Variants in PTGES observed in about 807,000 individuals in gnomAD.
PTGES encodes the protein MGST1-like 1.
In PTGES, 3 loss-of-function variants were observed where a neutral mutation model predicts 11.8. The ratio of observed to expected loss-of-function variants is 0.25; its 90% CI spans 0.12 to 0.66. PTGES has a LOEUF of 0.66. Ranked by LOEUF, PTGES falls within the 30% of genes least tolerant of loss-of-function variation. The pLI is 0.82. For synonymous variants in PTGES, 94 were observed against 90.4 expected, an observed-to-expected ratio of 1.04 and a Z score of -0.22; for missense variants, 180 against 213.0, an observed-to-expected ratio of 0.85 and a Z score of 0.96.
intron 2 of PTGES, among the ~76,000 whole-genome samples, chr9:129,740,521 C>T (rs949810875): frequency 6.6e-6 from 1 of 152,202 alleles, no homozygotes; most frequent in Non-Finnish European, 1.5e-5. Context: ...TGGAGCCAAC[C>T]GATGGCCAGC....
At chr9:129,747,868 G>A (rs1833062043) in intron 2 of PTGES, among the ~76,000 whole-genome samples, 1 of 151,850 alleles carries the variant, frequency 6.6e-6, no homozygotes, top group African/African-American at 2.4e-5. Flanking sequence ...AAATTAGCCA[G>A]GCATGATGGT....
chr9:129,749,311 G>A (rs1833079436), intron 1 of PTGES, among the ~76,000 whole-genome samples: 1 of 152,034 alleles, frequency 6.6e-6, no homozygotes, highest in East Asian at 1.9e-4. Flanking sequence ...GCTTCCAGGA[G>A]TTTGAGACCA....
intron 1 of PTGES, among the ~76,000 whole-genome samples, chr9:129,752,544 G>A (rs902855605): frequency 6.6e-6 from 1 of 152,226 alleles, no homozygotes; most frequent in Non-Finnish European, 1.5e-5. Context: ...GACCTCCCGT[G>A]CCGGGAAGCC....
At chr9:129,748,526 G>T in intron 2 of PTGES, 129 bp downstream of exon 2, 1 of 657,894 alleles carries the variant, frequency 1.5e-6, no homozygotes, top group African/African-American at 1.9e-5. Context: ...AAGTAAAACA[G>T]TCAGAGAAGA....
At position 129,741,038 on chromosome 9, in the gene PTGES, C is replaced by T. The variant is rs764217667; in HGVS notation, c.210-1178G>A. On this transcript the variant is annotated intron_variant, in intron 2 of 2. Coordinates refer to ENST00000340607, the MANE Select transcript of PTGES (RefSeq NM_004878.5). ...TGGCAAGACGATTCTTGGGCCAGTG[C>T]GATGGTGTGTGGGCCTGACCAAAAG... 1.2e-3 allele frequency among the ~76,000 whole-genome samples: 181 copies of T among 152,170 alleles called. 1 individual carries two copies. The highest frequency in any genetic ancestry group is 2.0e-3 in the Non-Finnish European group (138 of 68,030).
At chr9:129,747,283 T>A (rs1833057303) in intron 2 of PTGES, among the ~76,000 whole-genome samples, 1 of 152,228 alleles carries the variant, frequency 6.6e-6, no homozygotes, top group Non-Finnish European at 1.5e-5. Context: ...AAATTGGGTG[T>A]ACCTAATGCA....
chr9:129,746,284 C>T (rs1833047987), intron 2 of PTGES, among the ~76,000 whole-genome samples: 1 of 152,156 alleles, frequency 6.6e-6, no homozygotes, highest in African/African-American at 2.4e-5. Context: ...GTCCTGGCCT[C>T]CTGCTGCCTG....
At chr9:129,743,771 C>G (rs1833023620) in intron 2 of PTGES, among the ~76,000 whole-genome samples, 1 of 152,324 alleles carries the variant, frequency 6.6e-6, no homozygotes, top group Non-Finnish European at 1.5e-5. Context: ...GGAGCAGAGC[C>G]GAGAGTGCCA....
intron 2 of PTGES, among the ~76,000 whole-genome samples, chr9:129,742,200 T>C (rs1458353630): frequency 6.6e-6 from 1 of 151,124 alleles, no homozygotes; most frequent in Non-Finnish European, 1.5e-5. Context: ...TGGTGTGTGC[T>C]TGTAGTTCCC....
In PTGES at chr9:129,752,989, C is replaced by A; in HGVS notation, c.24G>T (p.Met8Ile). The A allele has an allele frequency of 1.2e-6, 2 of 1,608,184 alleles. No individual in the cohort carries two copies. The highest frequency in any genetic ancestry group is 1.1e-5 in the South Asian group (1 of 91,074). MPAHSLV[M>I]SSPALPAFLL... ...GGAAGGCCGGGAGGGCCGGGCTGCT[C>A]ATCACCAGGCTGTGGGCAGGCATCT... is the stretch of plus-strand genomic sequence containing the variant. Residue 8 changes from methionine (M) to isoleucine (I), a missense_variant, in exon 1 of 3, where the codon ATG becomes ATT. Met to Ile is a conservative substitution (Grantham distance 10). Coordinates refer to ENST00000340607, the MANE Select transcript of PTGES (RefSeq NM_004878.5).
In PTGES at chr9:129,750,494, T is replaced by C. The variant is rs373818625; in HGVS notation, c.127-1757A>G. Among the ~76,000 whole-genome samples the C allele has an allele frequency of 2.0e-5, 3 of 152,288 alleles. No homozygotes were observed. The East Asian group carries it at 5.8e-4, about 29-fold the overall frequency. ...CTCAGCATACAGTGGGCACTGCCTTTAGGAGTCCACTGCCCATGGAGTTGC... is the reference window on the plus strand; with the variant it reads ...CTCAGCATACAGTGGGCACTGCCTTCAGGAGTCCACTGCCCATGGAGTTGC... On this transcript the variant is annotated intron_variant, in intron 1 of 2. Coordinates refer to ENST00000340607, the MANE Select transcript of PTGES (RefSeq NM_004878.5).
intron 2 of PTGES, among the ~76,000 whole-genome samples, chr9:129,741,117 C>T (rs1832990433): frequency 6.6e-6 from 1 of 152,244 alleles, no homozygotes; most frequent in South Asian, 2.1e-4. Context: ...AGCTCTGCAG[C>T]GTGCCTGGGG....
chr9:129,742,328 C>CA (rs1194614585), intron 2 of PTGES, among the ~76,000 whole-genome samples: 2,647 of 50,214 alleles, frequency 0.053, 70 homozygotes, highest in Non-Finnish European at 0.078. Flanking sequence ...GACTCTGTCT[C>CA]AAAAAAAAAA....
rs1833042179 is a variant in PTGES at position 129,745,657 on chromosome 9, A to G, written c.209+2998T>C. Among the ~76,000 whole-genome samples the G allele has an allele frequency of 6.6e-6, 1 of 152,210 alleles. No homozygotes were observed. Among genetic ancestry groups the G allele is most frequent in the Non-Finnish European group, 1.5e-5 (1 of 68,032 alleles). ...TCCAGTAAGTCCTCACCAAATGGCTATAAAGTATTATTAGATAAGACGCAC... is the reference window on the plus strand; with the variant it reads ...TCCAGTAAGTCCTCACCAAATGGCTGTAAAGTATTATTAGATAAGACGCAC... On this transcript the variant is annotated intron_variant, in intron 2 of 2. Coordinates refer to ENST00000340607, the MANE Select transcript of PTGES (RefSeq NM_004878.5). The surrounding 1 kb of genome is among the most constrained non-coding windows in gnomAD (Gnocchi z 4.2).
chr9:129,750,573 G>A, intron 1 of PTGES, among the ~76,000 whole-genome samples: 1 of 152,246 alleles, frequency 6.6e-6, no homozygotes, highest in Non-Finnish European at 1.5e-5. Flanking sequence ...GCCAGCTGCA[G>A]TGCAGGCCAG....
intron 2 of PTGES, among the ~76,000 whole-genome samples, chr9:129,746,229 G>A (rs1001432559): frequency 6.6e-6 from 1 of 152,144 alleles, no homozygotes; most frequent in Admixed American, 6.5e-5. Flanking sequence ...GAGCCAAAAC[G>A]CATCCTCTTG....
chr9:129,745,676 G>T lies in PTGES; in HGVS notation c.209+2979C>A, dbSNP rs922412802. Among the ~76,000 whole-genome samples the T allele has an allele frequency of 6.6e-6, 1 of 152,178 alleles. No individual in the cohort carries two copies. The highest frequency in any genetic ancestry group is 2.4e-5 in the African/African-American group (1 of 41,456). ...ATGGCTATAAAGTATTATTAGATAA[G>T]ACGCACTCAGAAAGTGCTGAAATGA... is the stretch of plus-strand genomic sequence containing the variant. On this transcript the variant is annotated intron_variant, in intron 2 of 2. Coordinates refer to ENST00000340607, the MANE Select transcript of PTGES (RefSeq NM_004878.5). This position sits in a 1 kb window ranked among gnomAD's most constrained non-coding sequence, Gnocchi z 4.2.
chr9:129,748,676 G>T lies in PTGES; in HGVS notation c.188C>A (p.Pro63His), dbSNP rs763655674. ...HGGPQYCRSD[P>H]DVERCLRAHR... is the part of the protein sequence containing the mutation. ...TTGCCTGAGGCAGCGTTCCACGTCG[G>T]GGTCGCTCCTGCAATACTGGGGGCC... The change falls in exon 2 of 3, where the codon CCC (proline) becomes CAC (histidine). Residue 63 changes from proline to histidine, a missense_variant. Transcript: ENST00000340607. 3 of 1,581,252 alleles carry T rather than the reference G, an allele frequency of 1.9e-6. No homozygotes were observed. Among genetic ancestry groups the T allele is most frequent in the South Asian group, 1.2e-5 (1 of 86,386 alleles).
chr9:129,740,655 A>G (rs1056563262), intron 2 of PTGES, among the ~76,000 whole-genome samples: 1 of 152,144 alleles, frequency 6.6e-6, no homozygotes, highest in Non-Finnish European at 1.5e-5. Context: ...TAAATAAATG[A>G]CCAAGAAAGA....
Sources: gnomAD v4.1 joint callset for allele counts (sites outside exome capture counted in the v4.1 genomes callset) on GRCh38, gnomAD v4.1.1 for gene constraint, Gnocchi (gnomAD v3.1) non-coding constraint, MANE v1.5 for transcripts, NCBI Gene and HGNC (gene_info 2026-07-23, HGNC 2026-07-21) for gene names.